Variants in SORL1 observed in about 807,000 individuals in gnomAD.
SORL1 encodes the protein sortilin-related receptor.
Under a neutral mutation model 273.7 loss-of-function variants are expected in SORL1, and 127 were observed. That is an observed-to-expected ratio of 0.46 (90% CI 0.40 to 0.54). SORL1 has a LOEUF of 0.54. Ranked by LOEUF, SORL1 falls within the 20% of genes least tolerant of loss-of-function variation. SORL1 has a pLI of 0.00. For synonymous variants in SORL1, 1,031 were observed against 1,067.4 expected, an observed-to-expected ratio of 0.97 and a Z score of 0.66; for missense variants, 2,494 against 2,846.1, an observed-to-expected ratio of 0.88 and a Z score of 2.81.
At chr11:121,502,445 A>G (rs1283948540) in intron 6 of SORL1, among the ~76,000 whole-genome samples, 1 of 151,948 alleles carries the variant, frequency 6.6e-6, no homozygotes, top group South Asian at 2.1e-4. Context: ...CGACAATTCT[A>G]TGTTTAACTT....
chr11:121,584,521 T>TAGG (rs1863063912), intron 26 of SORL1, among the ~76,000 whole-genome samples: 1 of 152,182 alleles, frequency 6.6e-6, no homozygotes, highest in African/African-American at 2.4e-5. Context: ...TACTTATACC[T>TAGG]AATCCTCAAG....
chr11:121,499,289 G>C (rs1049663754), intron 6 of SORL1, among the ~76,000 whole-genome samples: 1 of 152,170 alleles, frequency 6.6e-6, no homozygotes. Context: ...ACATGGATGA[G>C]CCACCAGATT....
intron 45 of SORL1, among the ~76,000 whole-genome samples, chr11:121,623,964 G>A (rs912047611): frequency 6.6e-6 from 1 of 152,228 alleles, no homozygotes; most frequent in African/African-American, 2.4e-5. Flanking sequence ...CCATCATGGT[G>A]GAAGGCAAAG....
intron 22 of SORL1, among the ~76,000 whole-genome samples, chr11:121,568,278 T>C (rs1165728721): frequency 1.3e-5 from 2 of 152,188 alleles, no homozygotes; most frequent in African/African-American, 4.8e-5. Context: ...CAATCTTCCT[T>C]AAGAAATATA....
At chr11:121,547,354 T>A in intron 14 of SORL1, among the ~76,000 whole-genome samples, 1 of 132,142 alleles carries the variant, frequency 7.6e-6, no homozygotes, top group Non-Finnish European at 1.5e-5. Flanking sequence ...TTCATGACAT[T>A]TAGGCTTAAA....
At chr11:121,574,737 C>G (rs1303634114) in intron 24 of SORL1, among the ~76,000 whole-genome samples, 2 of 152,182 alleles carry the variant, frequency 1.3e-5, no homozygotes, top group African/African-American at 4.8e-5. Flanking sequence ...GTCACTTACT[C>G]TTAGATTAGC....
intron 6 of SORL1, among the ~76,000 whole-genome samples, chr11:121,504,986 T>G (rs144537199): frequency 2.7e-3 from 415 of 152,194 alleles, no homozygotes; most frequent in African/African-American, 9.5e-3. Flanking sequence ...TCTATTAACA[T>G]TGAATATTAC....
At chr11:121,500,133 A>G (rs1861690391) in intron 6 of SORL1, among the ~76,000 whole-genome samples, 2 of 152,254 alleles carry the variant, frequency 1.3e-5, no homozygotes, top group African/African-American at 4.8e-5. Flanking sequence ...TGATAGGGCC[A>G]TTAAAGAAAC....
chr11:121,537,348 A>G (rs1862281242), intron 12 of SORL1, among the ~76,000 whole-genome samples: 1 of 152,170 alleles, frequency 6.6e-6, no homozygotes, highest in Non-Finnish European at 1.5e-5. Context: ...GAGAGGATGG[A>G]TTCAGTGGAG....
Position 121,590,566 on chromosome 11 carries a change from G to A in SORL1, c.4213+392G>A, listed in dbSNP as rs1773326540. On this transcript the variant is annotated intron_variant, in intron 30 of 47. Coordinates refer to ENST00000260197, the MANE Select transcript of SORL1 (RefSeq NM_003105.6). ...GTGTGCTCCACAATGCATTTGAGGA[G>A]CACTCATGTGGAATGCAGACTTGCC... 48 of 561,464 alleles carry A rather than the reference G, an allele frequency of 8.5e-5. 2 individuals carry two copies. The South Asian group carries it at 9.5e-4, about 11-fold the overall frequency. 34.8% of individuals were successfully genotyped at this position (561,464 alleles called of 1,614,324 possible).
In SORL1 at chr11:121,496,990, C is replaced by G; in HGVS notation, c.880C>G (p.Leu294Val). The change falls in exon 6 of 48, where the codon CTT becomes GTT. Residue 294 changes from leucine to valine, a missense_variant. This residue lies in a region of SORL1 where 710 missense variants were observed against 882.5 expected (regional missense o/e 0.80). Coordinates refer to ENST00000260197, the MANE Select transcript of SORL1 (RefSeq NM_003105.6). ...FQSRENQEVI[L>V]EEVRDFQLRD... ...GTCCCGGGAAAACCAGGAAGTGATC[C>G]TTGAGGAAGTGAGAGATTTTCAGCT... is the stretch of plus-strand genomic sequence containing the variant. The G allele has an allele frequency of 1.9e-6, 3 of 1,614,004 alleles. No homozygotes were observed. The highest frequency in any genetic ancestry group is 4.5e-5 in the East Asian group (2 of 44,884).
In SORL1 at chr11:121,476,806, C is replaced by T. The variant is rs182602584; in HGVS notation, c.403-1312C>T. On this transcript the variant is annotated intron_variant, in intron 2 of 47. Coordinates refer to ENST00000260197, the MANE Select transcript of SORL1 (RefSeq NM_003105.6). ...TCCCTTCCTTCCTCCCTTCCTCCCT[C>T]CCTTCCTTCCTTCCTCGCTCTGTCA... Among the ~76,000 whole-genome samples the T allele has an allele frequency of 6.6e-3, 960 of 145,356 alleles. 15 individuals are homozygous for T. The highest frequency in any genetic ancestry group is 0.025 in the Admixed American group (362 of 14,374).
chr11:121,522,537 C>A, intron 9 of SORL1, 49 bp from the exon 10 acceptor site: 1 of 1,369,614 alleles, frequency 7.3e-7, no homozygotes, highest in South Asian at 1.2e-5. Context: ...ACAGGGAACG[C>A]TAGGCATGGT....
At chr11:121,535,670 G>GT (rs200202749) in intron 12 of SORL1, among the ~76,000 whole-genome samples, 39,514 of 143,194 alleles carry the variant, frequency 0.28, 6,272 homozygotes, top group Middle Eastern at 0.41. Flanking sequence ...AAACATTAGG[G>GT]TTTTTTTTTT....
At chr11:121,570,094 T>G in intron 22 of SORL1, 63 bp from the exon 23 acceptor site, 3 of 1,067,944 alleles carry the variant, frequency 2.8e-6, no homozygotes, top group Non-Finnish European at 4.2e-6. Flanking sequence ...GAGAAAGACC[T>G]GTGGTCCAGC....
intron 24 of SORL1, among the ~76,000 whole-genome samples, chr11:121,576,567 C>T (rs1187138357): frequency 3.3e-5 from 5 of 152,214 alleles, no homozygotes; most frequent in South Asian, 2.1e-4. Context: ...CCTCCAGAAC[C>T]GAGAGAAATA....
intron 25 of SORL1, among the ~76,000 whole-genome samples, chr11:121,579,890 A>T (rs893130142): frequency 1.3e-5 from 2 of 152,188 alleles, no homozygotes; most frequent in Admixed American, 6.5e-5. Context: ...AGGTTTTGTT[A>T]TTATAGACAT....
chr11:121,583,480 C>CAG lies in SORL1; in HGVS notation c.3603_3604insAG (p.Asn1203ProfsTer139). 1 of 1,612,944 alleles carries CAG rather than the reference C, an allele frequency of 6.2e-7. No homozygotes were observed. Among genetic ancestry groups the CAG allele is most frequent in the Non-Finnish European group, 8.5e-7 (1 of 1,179,504 alleles). ...CAGCCATCTATCACACCTGTGAGGCCTCCAACTTCCAGTGCCGAAACGGGC... is the reference window on the plus strand; with the variant it reads ...CAGCCATCTATCACACCTGTGAGGCCAGTCCAACTTCCAGTGCCGAAACGGGC... On this transcript the variant is annotated frameshift_variant, in exon 26 of 48. Coordinates refer to ENST00000260197, the MANE Select transcript of SORL1 (RefSeq NM_003105.6). LOFTEE classifies it high-confidence loss of function.
At chr11:121,577,191 A>C (rs1362430639) in intron 24 of SORL1, 90 bp from the exon 25 acceptor site, 9 of 1,477,732 alleles carry the variant, frequency 6.1e-6, no homozygotes, top group Non-Finnish European at 7.4e-6. Context: ...TCACGGGTCC[A>C]TCTCCATCCT....
Sources: gnomAD v4.1 joint callset for allele counts (sites outside exome capture counted in the v4.1 genomes callset) on GRCh38, gnomAD v4.1.1 for gene constraint, gnomAD v4.1.1 regional missense constraint, MANE v1.5 for transcripts, NCBI Gene and HGNC (gene_info 2026-07-23, HGNC 2026-07-21) for gene names.